The following SOHLH2 variants were observed in gnomAD, a reference collection of about 807,000 sequenced individuals.
SOHLH2 encodes spermatogenesis and oogenesis specific basic helix-loop-helix 2.
In SOHLH2, 22 loss-of-function variants were observed where a neutral mutation model predicts 50.4. The ratio of observed to expected loss-of-function variants is 0.44; its 90% CI spans 0.31 to 0.62. The LOEUF (loss-of-function observed/expected upper bound fraction) is 0.62, where lower values mean the gene tolerates loss of function less well. Among genes scored for constraint, SOHLH2 ranks in the 20% least tolerant of loss-of-function variants. SOHLH2 has a pLI of 0.08. For missense variants in SOHLH2, 412 were observed against 504.4 expected, an observed-to-expected ratio of 0.82 and a Z score of 1.76; for synonymous variants, 185 against 187.3, an observed-to-expected ratio of 0.99 and a Z score of 0.10.
At chr13:36,213,779 G>C (rs1405829441) in intron 1 of SOHLH2, among the ~76,000 whole-genome samples, 1 of 152,132 alleles carries the variant, frequency 6.6e-6, no homozygotes, top group Non-Finnish European at 1.5e-5. Flanking sequence ...TTGCCTGTTT[G>C]GGGGGAAGCT....
At chr13:36,175,511 G>A (rs1427919998) in intron 6 of SOHLH2, among the ~76,000 whole-genome samples, 2 of 152,136 alleles carry the variant, frequency 1.3e-5, no homozygotes, top group African/African-American at 4.8e-5. Context: ...CTCTGAAGGG[G>A]GATAGGAAAT....
intron 8 of SOHLH2, 23 bp from the exon 9 acceptor site, chr13:36,173,833 T>C (rs756971412): frequency 6.2e-7 from 1 of 1,613,188 alleles, no homozygotes. Flanking sequence ...GAAAAAATTA[T>C]TTGCACATTT....
chr13:36,176,471 C>T (rs899343268), intron 6 of SOHLH2, among the ~76,000 whole-genome samples: 2 of 152,090 alleles, frequency 1.3e-5, no homozygotes, highest in Admixed American at 6.5e-5. Flanking sequence ...GAGTATCCCT[C>T]CCCATAATGC....
intron 2 of SOHLH2, 37 bp from the exon 3 acceptor site, chr13:36,193,904 T>C: frequency 6.4e-7 from 1 of 1,573,258 alleles, no homozygotes; most frequent in Non-Finnish European, 8.6e-7. Context: ...TGAAGCAAAA[T>C]CATTATTCAA....
chr13:36,204,063 G>A (rs1246430024), intron 1 of SOHLH2, among the ~76,000 whole-genome samples: 1 of 148,738 alleles, frequency 6.7e-6, no homozygotes, highest in Admixed American at 6.9e-5. Flanking sequence ...AGATTCTCCT[G>A]CTTCAGCCTC....
rs762024029 is a variant in SOHLH2, at chr13:36,193,697, A to G, written c.354T>C (p.Ile118=). 1 of 1,612,992 alleles carries G rather than the reference A, an allele frequency of 6.2e-7. No homozygotes were observed. The highest frequency in any genetic ancestry group is 8.5e-7 in the Non-Finnish European group (1 of 1,179,786). ...KGCISGHGMD[I]ALTEPLTMEK... Reference sequence around the variant, plus strand: ...CCATTGTCAGTGGTTCAGTTAAAGCAATATCCATTCCATGCCCTGAAATAC... The same window carrying G: ...CCATTGTCAGTGGTTCAGTTAAAGCGATATCCATTCCATGCCCTGAAATAC... The change falls in exon 4 of 11, where the codon ATT becomes ATC. Residue 118 remains isoleucine (I), a synonymous_variant. Coordinates refer to ENST00000379881, the MANE Select transcript of SOHLH2 (RefSeq NM_017826.3).
intron 5 of SOHLH2, among the ~76,000 whole-genome samples, chr13:36,191,406 G>A (rs1433038493): frequency 6.6e-6 from 1 of 152,206 alleles, no homozygotes; most frequent in Non-Finnish European, 1.5e-5. Flanking sequence ...CAGAGTAGTA[G>A]GTGTATAACA....
intron 5 of SOHLH2, among the ~76,000 whole-genome samples, chr13:36,190,309 A>C (rs1352717876): frequency 6.6e-6 from 1 of 152,216 alleles, no homozygotes; most frequent in Admixed American, 6.5e-5. Flanking sequence ...AATTGTTAAC[A>C]ATACATACAA....
In SOHLH2 at chr13:36,193,849, A is replaced by T. The variant is rs1887646462; in HGVS notation, c.282T>A (p.Asn94Lys). The T allele has an allele frequency of 1.9e-6, 3 of 1,600,986 alleles. No homozygotes were observed. The stretch of plus-strand genomic sequence containing the variant: ...TTATAAAAACAAACAGTGAATGTGT[A>T]TTTTTCTTTTTGCCAAATCTGAGAG... ...IKLIRFGKKKNTHSLFVFIIP... is the reference protein window; with the variant it reads ...IKLIRFGKKKKTHSLFVFIIP... The change falls in exon 3 of 11, where the codon AAT becomes AAA. Residue 94 changes from asparagine to lysine, a missense_variant. Physicochemically the swap from Asn to Lys is moderately conservative, Grantham distance 94 (BLOSUM62 0). Transcript: ENST00000379881.
At position 36,173,807 on chromosome 13, in the gene SOHLH2, T is replaced by C. The variant is rs145381468; in HGVS notation, c.885A>G (p.Glu295=). 3 of 1,613,850 alleles carry C rather than the reference T, an allele frequency of 1.9e-6. No individual in the cohort carries two copies. In the African/African-American group the frequency reaches 4.0e-5, roughly 22 times the overall value. ...GGGAGTAAGTGCTCATCACACTGTTTTCCCTTGAAAGGACAGAAAAAATTA... is the reference window on the plus strand; with the variant it reads ...GGGAGTAAGTGCTCATCACACTGTTCTCCCTTGAAAGGACAGAAAAAATTA... The part of the protein sequence containing the change: ...SLPGTVMAQR[E]NSVMSTYSPE... Residue 295 remains glutamate, a synonymous_variant, in exon 9 of 11, where the codon GAA becomes GAG. Transcript: ENST00000379881.
intron 6 of SOHLH2, chr13:36,182,756 A>C: frequency 6.6e-6 from 1 of 152,236 alleles, no homozygotes; most frequent in East Asian, 1.9e-4. Context: ...AAATCATGAG[A>C]TATGATAAAC....
chr13:36,196,862 C>A (rs1887746530), intron 2 of SOHLH2, among the ~76,000 whole-genome samples: 1 of 152,154 alleles, frequency 6.6e-6, no homozygotes, highest in Non-Finnish European at 1.5e-5. Context: ...ACACACTCCC[C>A]CTGCTATATA....
intron 6 of SOHLH2, among the ~76,000 whole-genome samples, chr13:36,187,678 C>A (rs77946531): frequency 6.6e-6 from 1 of 152,160 alleles, no homozygotes; most frequent in Non-Finnish European, 1.5e-5. Context: ...CCTCCCTGAT[C>A]GGGCCCCATC....
At chr13:36,213,865 A>G (rs1159087429) in intron 1 of SOHLH2, among the ~76,000 whole-genome samples, 1 of 152,124 alleles carries the variant, frequency 6.6e-6, no homozygotes, top group Non-Finnish European at 1.5e-5. Flanking sequence ...AGAGACGGGA[A>G]TGCAGGAAAA....
chr13:36,198,777 T>C (rs1887809355), intron 2 of SOHLH2, among the ~76,000 whole-genome samples: 2 of 152,242 alleles, frequency 1.3e-5, no homozygotes, highest in South Asian at 4.1e-4. Context: ...AACTTCATTC[T>C]TATTTTCAAT....
At position 36,168,613 on chromosome 13, in the gene SOHLH2, A is replaced by C; in HGVS notation, c.*421T>G. ...GACAGTAATTCACAGGGATACTAAA[A>C]ATAAGAATCAAGTTGTAATATCTGT... On this transcript the variant is annotated 3_prime_UTR_variant, in exon 11 of 11. Coordinates refer to ENST00000379881, the MANE Select transcript of SOHLH2 (RefSeq NM_017826.3). 5.5e-6 allele frequency: 1 copy of C among 180,860 alleles called. No individual in the cohort carries two copies. The highest frequency in any genetic ancestry group is 1.1e-5 in the Non-Finnish European group (1 of 87,334). 11.2% of individuals were successfully genotyped at this position (180,860 alleles called of 1,614,324 possible). A position where few individuals can be genotyped will look rare whatever the true frequency, so the allele number is the denominator to read the frequency against.
At position 36,189,994 on chromosome 13, in the gene SOHLH2, T is replaced by C. The variant is rs1887529046; in HGVS notation, c.593A>G (p.Lys198Arg). 1 of 1,608,576 alleles carries C rather than the reference T, an allele frequency of 6.2e-7. No homozygotes were observed. The highest frequency in any genetic ancestry group is 8.5e-7 in the Non-Finnish European group (1 of 1,176,668). ...ELNASLSEFE[K>R]NKKISLLHSS... ...ATGAAGAAGAGAGATCTTTTTGTTTTTCTCGAACTCTGACAACGAAGCATT... is the reference window on the plus strand; with the variant it reads ...ATGAAGAAGAGAGATCTTTTTGTTTCTCTCGAACTCTGACAACGAAGCATT... The change falls in exon 6 of 11, where the codon AAA becomes AGA. Residue 198 changes from lysine (K) to arginine (R), a missense_variant. By Grantham distance (26) the Lys-to-Arg change is conservative. Transcript: ENST00000379881.
At chr13:36,210,876 G>T (rs918721298) in intron 1 of SOHLH2, among the ~76,000 whole-genome samples, 1 of 152,152 alleles carries the variant, frequency 6.6e-6, no homozygotes, top group Admixed American at 6.5e-5. Flanking sequence ...GGCCCTACTA[G>T]TGTGTTTCCT....
intron 6 of SOHLH2, among the ~76,000 whole-genome samples, chr13:36,186,859 C>G (rs1465699247): frequency 1.3e-5 from 2 of 152,062 alleles, no homozygotes; most frequent in Non-Finnish European, 2.9e-5. Context: ...CATTAGCAAA[C>G]ATCATGTTGC....
Sources: gnomAD v4.1 joint callset for allele counts (sites outside exome capture counted in the v4.1 genomes callset) on GRCh38, gnomAD v4.1.1 for gene constraint, MANE v1.5 for transcripts, NCBI Gene and HGNC (gene_info 2026-07-23, HGNC 2026-07-21) for gene names.